TMEM8B: variants seen among roughly 807,000 people sequenced by gnomAD.
TMEM8B encodes the protein nasopharyngeal carcinoma expressed 6.
Under a neutral mutation model 49.3 loss-of-function variants are expected in TMEM8B, and 29 were observed. The ratio of observed to expected loss-of-function variants is 0.59; its 90% confidence interval spans 0.44 to 0.80. TMEM8B has a LOEUF of 0.80. Among genes scored for constraint, TMEM8B ranks in the 30% least tolerant of loss-of-function variants. The probability of loss-of-function intolerance (pLI) is 0.00; values close to 1 mark genes in which losing one functional copy is unlikely to be tolerated. For synonymous variants in TMEM8B, 264 were observed against 272.8 expected (o/e 0.97, Z 0.32); for missense variants, 575 against 658.5 (o/e 0.87, Z 1.39).
chr9:35,836,333 T>A (rs188682608), intron 3 of TMEM8B, among the ~76,000 whole-genome samples: 3 of 152,216 alleles, frequency 2.0e-5, no homozygotes, highest in African/African-American at 7.2e-5. Context: ...AGGTTCTAGG[T>A]AGGCCTTGAC....
At position 35,857,431 on chromosome 9, in the gene TMEM8B, T is replaced by C. The variant is rs1333239440; in HGVS notation, c.*3591T>C. The C allele has an allele frequency of 6.6e-6, 1 of 152,246 alleles. No individual in the cohort carries two copies. Among genetic ancestry groups the C allele is most frequent in the Admixed American group, 6.5e-5 (1 of 15,282 alleles). The allele number at this position is 152,246 out of a possible 1,614,324, so 9.4% of individuals were successfully genotyped here. Reference sequence around the variant, plus strand: ...TGGTGTCTAACCTAGCTTTGAAAACTAGTCCCAGCTATTATCAGAGAACAG... The same window carrying C: ...TGGTGTCTAACCTAGCTTTGAAAACCAGTCCCAGCTATTATCAGAGAACAG... On this transcript the variant is annotated 3_prime_UTR_variant, in exon 13 of 13. Coordinates refer to ENST00000643932, the MANE Select transcript of TMEM8B (RefSeq NM_001042590.4).
chr9:35,846,533 G>T lies in TMEM8B; in HGVS notation c.1918G>T (p.Asp640Tyr). The T allele has an allele frequency of 3.2e-6, 5 of 1,583,790 alleles. No individual in the cohort carries two copies. The highest frequency in any genetic ancestry group is 4.3e-6 in the Non-Finnish European group (5 of 1,164,864). The change falls in exon 9 of 13, where the codon GAC becomes TAC. Residue 640 changes from aspartate (D) to tyrosine (Y), a missense_variant. Asp to Tyr is a radical substitution (Grantham distance 160, BLOSUM62 -3). Transcript: ENST00000643932. ...GCGCACCTTCCTGTCCCCATGCGTG[G>T]ACGACTGCGGGCCCTACGGCCAGTG... is the stretch of plus-strand genomic sequence containing the variant. ...RMRTFLSPCV[D>Y]DCGPYGQCKL... is the part of the protein sequence containing the mutation.
chr9:35,845,959 T>TGG lies in TMEM8B; in HGVS notation c.1636-16_1636-15insGG. The TGG allele has an allele frequency of 6.2e-7, 1 of 1,613,744 alleles. No individual in the cohort carries two copies. Among genetic ancestry groups the TGG allele is most frequent in the Non-Finnish European group, 8.5e-7 (1 of 1,179,796 alleles). ...GGAGGATGTGGCGGCCTCACTTCCA[T>TGG]ACCTGCCCTCCCCAGAGCTCCGTGC... On this transcript the variant is annotated splice_polypyrimidine_tract_variant and intron_variant, in intron 6 of 12. Coordinates refer to ENST00000643932, the MANE Select transcript of TMEM8B (RefSeq NM_001042590.4).
chr9:35,830,269 A>G (rs1192387396), intron 1 of TMEM8B, among the ~76,000 whole-genome samples: 2 of 152,130 alleles, frequency 1.3e-5, no homozygotes, highest in East Asian at 3.8e-4. Flanking sequence ...TCCTGCTCAC[A>G]AAGTTTGATG....
chr9:35,830,350 T>C (rs1391012683), intron 1 of TMEM8B, among the ~76,000 whole-genome samples: 2 of 152,184 alleles, frequency 1.3e-5, no homozygotes, highest in Non-Finnish European at 2.9e-5. Flanking sequence ...CTTTGAGATA[T>C]TGGGCATGCA....
At chr9:35,847,167 T>G (rs778552445) in intron 10 of TMEM8B, 172 bp downstream of exon 10, 1 of 1,605,448 alleles carries the variant, frequency 6.2e-7, no homozygotes, top group African/African-American at 1.3e-5. Context: ...TAATGGTCAT[T>G]TTTGTAAGAC....
chr9:35,835,380 G>T, intron 3 of TMEM8B, 162 bp downstream of exon 3: 1 of 398,780 alleles, frequency 2.5e-6, no homozygotes, highest in Non-Finnish European at 4.4e-6. Context: ...TCACCCAGTG[G>T]GTCAGAGGCC....
At position 35,853,527 on chromosome 9, in the gene TMEM8B, G is replaced by A. The variant is rs1162946908; in HGVS notation, c.2462G>A (p.Arg821Gln). 3.7e-6 allele frequency: 6 copies of A among 1,613,614 alleles called. No homozygotes were observed. Among genetic ancestry groups the A allele is most frequent in the African/African-American group, 2.7e-5 (2 of 74,942 alleles). ...TAWTVRSVRR[R>Q]HCYPPTWRRW... The stretch of plus-strand genomic sequence containing the variant: ...CAGACAGTACGCAGCGTCCGCCGCC[G>A]GCACTGCTACCCACCCACGTGGCGC... The change falls in exon 13 of 13, where the codon CGG becomes CAG. Residue 821 changes from arginine to glutamine, a missense_variant. Coordinates refer to ENST00000643932, the MANE Select transcript of TMEM8B (RefSeq NM_001042590.4). This position sits in a 1 kb window ranked among gnomAD's most constrained non-coding sequence, Gnocchi z 4.2.
chr9:35,837,518 G>A (rs10814281), intron 3 of TMEM8B, among the ~76,000 whole-genome samples: 56,776 of 151,846 alleles, frequency 0.37, 10,878 homozygotes, highest in Middle Eastern at 0.52. Flanking sequence ...TTGGGGTGGT[G>A]AGGAAGGTAG....
At chr9:35,838,072 G>A (rs1302355243) in intron 3 of TMEM8B, among the ~76,000 whole-genome samples, 3 of 152,158 alleles carry the variant, frequency 2.0e-5, no homozygotes, top group East Asian at 1.9e-4. Context: ...TGAATCCACC[G>A]ACTAGGACCA....
At chr9:35,834,431 C>T (rs965789679) in intron 1 of TMEM8B, 30 bp from the exon 2 acceptor site, 5 of 413,400 alleles carry the variant, frequency 1.2e-5, no homozygotes, top group African/African-American at 1.0e-4. Context: ...CTGTCCTGCC[C>T]TGCTCCTTTC....
intron 10 of TMEM8B, among the ~76,000 whole-genome samples, chr9:35,847,691 C>A (rs536429981): frequency 6.6e-6 from 1 of 152,304 alleles, no homozygotes; most frequent in African/African-American, 2.4e-5. Context: ...TATCACATCC[C>A]AGCTCAAAGG....
intron 3 of TMEM8B, chr9:35,835,482 C>G: frequency 2.9e-6 from 1 of 345,330 alleles, no homozygotes; most frequent in Middle Eastern, 3.4e-4. Context: ...GTCAGAGGCT[C>G]TGGCACAGGG....
intron 10 of TMEM8B, 72 bp from the exon 11 acceptor site, chr9:35,852,755 C>G (rs1426452261): frequency 6.3e-7 from 1 of 1,585,658 alleles, no homozygotes; most frequent in Non-Finnish European, 8.6e-7. Flanking sequence ...CACCCCTGGG[C>G]CCACCCCTCC....
In TMEM8B at chr9:35,853,494, G is replaced by A. The variant is rs771765410; in HGVS notation, c.2440-11G>A. The A allele has an allele frequency of 1.9e-6, 3 of 1,604,196 alleles. No individual in the cohort carries two copies. Among genetic ancestry groups the A allele is most frequent in the Non-Finnish European group, 2.6e-6 (3 of 1,175,280 alleles). ...TGGCATTCCTGAGCCCCACTTCTCT[G>A]TCTCCCCCAGACAGTACGCAGCGTC... On this transcript the variant is annotated splice_polypyrimidine_tract_variant and intron_variant, in intron 12 of 12. Transcript: ENST00000643932. This position sits in a 1 kb window ranked among gnomAD's most constrained non-coding sequence, Gnocchi z 4.2.
intron 9 of TMEM8B, 72 bp from the exon 10 acceptor site, chr9:35,846,745 C>G: frequency 6.4e-7 from 1 of 1,551,014 alleles, no homozygotes; most frequent in Admixed American, 1.8e-5. Context: ...GTGAGACCAC[C>G]CTCCACAAGC....
chr9:35,833,627 C>A (rs1588123752), intron 1 of TMEM8B, among the ~76,000 whole-genome samples: 1 of 152,188 alleles, frequency 6.6e-6, no homozygotes, highest in African/African-American at 2.4e-5. Context: ...TGAATATTCC[C>A]AAGGGGCTTG....
In TMEM8B at chr9:35,853,341, G is replaced by A; in HGVS notation, c.2439+84G>A. ...AGGTATCTGGTCCCCAGTTTAAGGT[G>A]GGCTTGGCTCTGTCGTCATCACCTG... On this transcript the variant is annotated intron_variant, in intron 12 of 12. Coordinates refer to ENST00000643932, the MANE Select transcript of TMEM8B (RefSeq NM_001042590.4). This position sits in a 1 kb window ranked among gnomAD's most constrained non-coding sequence, Gnocchi z 4.2. 1.4e-6 allele frequency: 2 copies of A among 1,468,992 alleles called. No individual in the cohort carries two copies. 91.0% of individuals were successfully genotyped at this position (1,468,992 alleles called of 1,614,324 possible).
intron 10 of TMEM8B, among the ~76,000 whole-genome samples, chr9:35,847,675 G>A (rs1831740684): frequency 6.6e-6 from 1 of 152,230 alleles, no homozygotes; most frequent in African/African-American, 2.4e-5. Flanking sequence ...GGAAGTGGCA[G>A]TGTCATATCA....
Sources: gnomAD v4.1 joint callset for allele counts (sites outside exome capture counted in the v4.1 genomes callset) on GRCh38, gnomAD v4.1.1 for gene constraint, Gnocchi (gnomAD v3.1) non-coding constraint, MANE v1.5 for transcripts, NCBI Gene and HGNC (gene_info 2026-07-23, HGNC 2026-07-21) for gene names.